Variants in MTAP observed in about 807,000 individuals in gnomAD.
MTAP encodes the protein methylthioadenosine phosphorylase, also known as S-methyl-5'-thioadenosine phosphorylase.
Under a neutral mutation model 33.6 loss-of-function variants are expected in MTAP, and 33 were observed. The observed-to-expected ratio is 0.98, with a 90% CI of 0.74 to 1.31. MTAP has a LOEUF of 1.31. Among genes scored for constraint, MTAP ranks in the 40% most tolerant of loss-of-function variants. The pLI is 0.00. For missense variants in MTAP, 367 were observed against 360.0 expected, an observed-to-expected ratio of 1.02 and a Z score of -0.16; for synonymous variants, 148 against 125.7, an observed-to-expected ratio of 1.18 and a Z score of -1.19.
chr9:21,818,255 C>A, intron 4 of MTAP, 53 bp downstream of exon 4: 1 of 1,458,340 alleles, frequency 6.9e-7, no homozygotes, highest in South Asian at 1.2e-5. Context: ...ATTTTCAGCT[C>A]AAATGGACGA....
chr9:21,843,506 C>A, intron 5 of MTAP, among the ~76,000 whole-genome samples: 1 of 152,086 alleles, frequency 6.6e-6, no homozygotes, highest in East Asian at 1.9e-4. Context: ...TGCCACAAAA[C>A]AAGTCTCAAC....
At chr9:21,904,760 T>C (rs1818448415) in intron 1 of MTAP, among the ~76,000 whole-genome samples, 1 of 152,262 alleles carries the variant, frequency 6.6e-6, no homozygotes, top group South Asian at 2.1e-4. Flanking sequence ...TGTCTCGATC[T>C]ACTTAGAACA....
At chr9:21,879,571 T>A (rs1255625538) in intron 1 of MTAP, among the ~76,000 whole-genome samples, 1 of 152,164 alleles carries the variant, frequency 6.6e-6, no homozygotes, top group Non-Finnish European at 1.5e-5. Flanking sequence ...AGTATCAATA[T>A]GTGTGGATTT....
chr9:21,875,865 G>A (rs1432722347), intron 1 of MTAP, among the ~76,000 whole-genome samples: 2 of 151,976 alleles, frequency 1.3e-5, no homozygotes, highest in African/African-American at 4.8e-5. Flanking sequence ...ATGGTAGATT[G>A]ATGTATGTTC....
rs115670845 is a variant in MTAP at position 21,834,767 on chromosome 9, C to A, written c.348-3141C>A. 5.1e-3 allele frequency among the ~76,000 whole-genome samples: 775 copies of A among 152,338 alleles called. 3 individuals carry two copies. Among genetic ancestry groups the A allele is most frequent in the African/African-American group, 0.018 (733 of 41,568 alleles). The stretch of plus-strand genomic sequence containing the variant: ...GTTAGCAACCTTAATTCCATTTGCT[C>A]TCTTAGTTCCCCTTTGCCATCTAAA... On this transcript the variant is annotated intron_variant, in intron 4 of 7. Coordinates refer to ENST00000644715, the MANE Select transcript of MTAP (RefSeq NM_002451.4).
At chr9:21,914,020 A>G (rs975791108) in intron 1 of MTAP, among the ~76,000 whole-genome samples, 16 of 152,242 alleles carry the variant, frequency 1.1e-4, no homozygotes, top group African/African-American at 3.6e-4. Context: ...GCCAACAGAC[A>G]TATGAAAAAA....
chr9:21,889,080 A>G (rs538133212), intron 1 of MTAP, among the ~76,000 whole-genome samples: 4 of 152,182 alleles, frequency 2.6e-5, no homozygotes, highest in African/African-American at 9.6e-5. Flanking sequence ...AAATTTTCCA[A>G]ACTTAGATTT....
rs114326137 is a variant in MTAP, at chr9:21,873,781, T to C, written c.147+18911T>C. Among the ~76,000 whole-genome samples, 515 of 152,218 alleles carry C rather than the reference T, an allele frequency of 3.4e-3. 6 individuals are homozygous for C. The highest frequency in any genetic ancestry group is 0.012 in the African/African-American group (491 of 41,544). On this transcript the variant is annotated intron_variant, in intron 1 of 1. Transcript: ENST00000577563. Reference sequence around the variant, plus strand: ...AGCTATAGAAGTTGAACAACAGTCGTACTAAATGGTTCCTAAGGAAGTTAT... The same window carrying C: ...AGCTATAGAAGTTGAACAACAGTCGCACTAAATGGTTCCTAAGGAAGTTAT...
chr9:21,940,119 G>A (rs1210050516), downstream of MTAP, among the ~76,000 whole-genome samples: 1 of 152,140 alleles, frequency 6.6e-6, no homozygotes, highest in African/African-American at 2.4e-5. Context: ...GGACCCTTAA[G>A]GAGATTTTAA....
At chr9:21,875,596 G>A (rs961392576) in intron 1 of MTAP, among the ~76,000 whole-genome samples, 7 of 151,998 alleles carry the variant, frequency 4.6e-5, no homozygotes, top group Admixed American at 4.6e-4. Flanking sequence ...CTTTGTGTCT[G>A]TGAGTTCTTA....
intron 1 of MTAP, among the ~76,000 whole-genome samples, chr9:21,878,021 G>C (rs772858382): frequency 6.6e-6 from 1 of 151,104 alleles, no homozygotes; most frequent in Non-Finnish European, 1.5e-5. Flanking sequence ...TTTTAATACT[G>C]CTTCAATTTC....
intron 1 of MTAP, among the ~76,000 whole-genome samples, chr9:21,906,588 G>A (rs116979494): frequency 0.013 from 2,042 of 152,240 alleles, 11 homozygotes; most frequent in Non-Finnish European, 0.02. Context: ...TGGAGGATTA[G>A]TGGGCAATAT....
At chr9:21,900,293 A>G (rs1272276050) in intron 1 of MTAP, among the ~76,000 whole-genome samples, 1 of 152,182 alleles carries the variant, frequency 6.6e-6, no homozygotes, top group Non-Finnish European at 1.5e-5. Flanking sequence ...TGACTCTAAT[A>G]TCCAGAATCT....
At chr9:21,882,735 A>G (rs1175377122) in intron 1 of MTAP, among the ~76,000 whole-genome samples, 1 of 152,040 alleles carries the variant, frequency 6.6e-6, no homozygotes, top group African/African-American at 2.4e-5. Context: ...TTTTAGAACA[A>G]ATTGTCTCAA....
downstream of MTAP, among the ~76,000 whole-genome samples, chr9:21,870,700 AT>A (rs1487237120): frequency 6.6e-6 from 1 of 151,798 alleles, no homozygotes; most frequent in Non-Finnish European, 1.5e-5. Context: ...TGAAATTTTT[AT>A]TCTTCAAATA....
At chr9:21,810,866 C>A (rs1824328354) in intron 1 of MTAP, among the ~76,000 whole-genome samples, 1 of 152,186 alleles carries the variant, frequency 6.6e-6, no homozygotes, top group Non-Finnish European at 1.5e-5. Flanking sequence ...CCCCAGCTAT[C>A]CCTGTGGACC....
intron 1 of MTAP, among the ~76,000 whole-genome samples, chr9:21,876,883 A>T (rs1301346533): frequency 2.0e-5 from 3 of 151,648 alleles, no homozygotes; most frequent in Non-Finnish European, 4.4e-5. Context: ...AAAAAAAAAA[A>T]TTTCTGTGAA....
chr9:21,809,909 C>T (rs1824303205), intron 1 of MTAP, among the ~76,000 whole-genome samples: 1 of 152,200 alleles, frequency 6.6e-6, no homozygotes, highest in African/African-American at 2.4e-5. Flanking sequence ...GAGAGTCCTC[C>T]TCTAAAAATA....
chr9:21,824,444 C>T (rs1207488052), intron 4 of MTAP, among the ~76,000 whole-genome samples: 2 of 152,164 alleles, frequency 1.3e-5, no homozygotes, highest in African/African-American at 4.8e-5. Context: ...AATGTTCCTG[C>T]CTGATTGTTC....
Sources: gnomAD v4.1 joint callset for allele counts (sites outside exome capture counted in the v4.1 genomes callset) on GRCh38, gnomAD v4.1.1 for gene constraint, MANE v1.5 for transcripts, NCBI Gene and HGNC (gene_info 2026-07-23, HGNC 2026-07-21) for gene names.